The following DMXL1 variants were observed in gnomAD, a reference collection of about 807,000 sequenced individuals.
DMXL1 encodes dmX-like protein 1.
DMXL1 carries 99 observed loss-of-function variants against 319.2 expected under a neutral mutation model. The ratio of observed to expected loss-of-function variants is 0.31; its 90% CI spans 0.26 to 0.37. DMXL1 has a LOEUF of 0.37. DMXL1 is among the 10% of genes least tolerant of loss of function. DMXL1 has a pLI of 1.00. For missense variants in DMXL1, 3,745 were observed against 3,595.6 expected, an observed-to-expected ratio of 1.04 and a Z score of -1.06; for synonymous variants, 1,385 against 1,235.2, an observed-to-expected ratio of 1.12 and a Z score of -2.54.
Position 119,132,342 on chromosome 5 carries a change from G to A in DMXL1, c.1316-790G>A, listed in dbSNP as rs139648474. Among the ~76,000 whole-genome samples, 85 of 152,242 alleles carry A rather than the reference G, an allele frequency of 5.6e-4. No homozygotes were observed. The East Asian group carries it at 0.014, about 25-fold the overall frequency. ...TAGATTGCTGGATTGATTTTGTGTTGTTATAATGAAGATAAGGTGCATATA... is the reference window on the plus strand; with the variant it reads ...TAGATTGCTGGATTGATTTTGTGTTATTATAATGAAGATAAGGTGCATATA... On this transcript the variant is annotated intron_variant, in intron 10 of 43. Transcript: ENST00000539542.
chr5:119,129,098 A>G (rs2150021699), intron 9 of DMXL1, 113 bp from the exon 10 acceptor site: 2 of 682,476 alleles, frequency 2.9e-6, no homozygotes, highest in East Asian at 5.7e-5. Flanking sequence ...AGTGAAAGAG[A>G]AGGACTTTCA....
At chr5:119,116,686 G>A (rs1484085694) in intron 7 of DMXL1, among the ~76,000 whole-genome samples, 1 of 152,012 alleles carries the variant, frequency 6.6e-6, no homozygotes, top group Non-Finnish European at 1.5e-5. Context: ...TAAATACTCT[G>A]TCGTCTTGTA....
chr5:119,182,363 A>G (rs1776932138), intron 28 of DMXL1, among the ~76,000 whole-genome samples: 1 of 152,046 alleles, frequency 6.6e-6, no homozygotes, highest in African/African-American at 2.4e-5. Flanking sequence ...GTGCATATTG[A>G]AATACATTGT....
intron 28 of DMXL1, among the ~76,000 whole-genome samples, chr5:119,185,855 T>G (rs948134388): frequency 3.3e-5 from 5 of 152,142 alleles, no homozygotes; most frequent in Non-Finnish European, 7.3e-5. Context: ...AAGAAGTACC[T>G]TCAATTAATT....
intron 33 of DMXL1, chr5:119,206,512 G>C (rs1781767595): frequency 5.8e-6 from 1 of 172,210 alleles, no homozygotes; most frequent in Non-Finnish European, 1.2e-5. Flanking sequence ...CAGTAGCTCT[G>C]ATTATTTTAA....
rs202033508 is a variant in DMXL1 at position 119,085,333 on chromosome 5, AAAATAAAT to A, written c.88-12620_88-12613del. 3.8e-3 allele frequency among the ~76,000 whole-genome samples: 572 copies of A among 150,892 alleles called. 10 individuals carry two copies. The highest frequency in any genetic ancestry group is 6.9e-3 in the Middle Eastern group (2 of 290). ...GGCAACAGAGTGAGACTTTGTCTCA[AAAATAAAT>A]AAATAAATAAATAAATAAATAAATA... On this transcript the variant is annotated intron_variant, in intron 1 of 43. Transcript: ENST00000539542.
rs151338328 is a variant in DMXL1, at chr5:119,201,071, C to T, written c.7746-2248C>T. 5.5e-3 allele frequency among the ~76,000 whole-genome samples: 837 copies of T among 152,238 alleles called. 8 individuals are homozygous for T. Among genetic ancestry groups the T allele is most frequent in the African/African-American group, 0.019 (793 of 41,540 alleles). ...GGATGCCTTTTATTTCTTCCTCTTT[C>T]CTGCTTGCTCTGGCCAGGACTTTCA... On this transcript the variant is annotated intron_variant, in intron 32 of 43. Coordinates refer to ENST00000539542, the MANE Select transcript of DMXL1 (RefSeq NM_001290321.3).
At chr5:119,203,838 G>A (rs1448577303) in intron 33 of DMXL1, among the ~76,000 whole-genome samples, 2 of 151,374 alleles carry the variant, frequency 1.3e-5, no homozygotes, top group East Asian at 1.9e-4. Flanking sequence ...TTTTTTCTTT[G>A]GAGATGGAGT....
chr5:119,073,353 T>G (rs1171911199), intron 1 of DMXL1, among the ~76,000 whole-genome samples: 3 of 152,214 alleles, frequency 2.0e-5, no homozygotes, highest in African/African-American at 7.2e-5. Context: ...TGAGCCACCA[T>G]GCCCAGCCCT....
At chr5:119,150,568 C>A in intron 18 of DMXL1, 147 bp downstream of exon 18, 1 of 871,854 alleles carries the variant, frequency 1.1e-6, no homozygotes, top group Non-Finnish European at 1.7e-6. Flanking sequence ...GCAGGAGGAT[C>A]ACTTGAACCT....
At chr5:119,093,500 G>A (rs1755258175) in intron 1 of DMXL1, among the ~76,000 whole-genome samples, 1 of 152,156 alleles carries the variant, frequency 6.6e-6, no homozygotes, top group African/African-American at 2.4e-5. Flanking sequence ...TGTAATGGTT[G>A]TGGAATGCCA....
intron 13 of DMXL1, among the ~76,000 whole-genome samples, chr5:119,135,715 G>A (rs527697560): frequency 1.3e-4 from 20 of 152,294 alleles, no homozygotes; most frequent in East Asian, 3.9e-4. Context: ...TGCACGTGCC[G>A]TCTCCTGACA....
chr5:119,118,690 C>T (rs1761377776), intron 7 of DMXL1, 125 bp from the exon 8 acceptor site: 1 of 692,536 alleles, frequency 1.4e-6, no homozygotes, highest in Non-Finnish European at 2.4e-6. Context: ...GAAATCTGTA[C>T]ATATTGATAT....
At position 119,166,289 on chromosome 5, in the gene DMXL1, G is replaced by A. The variant is rs75384588; in HGVS notation, c.4971-327G>A. On this transcript the variant is annotated intron_variant, in intron 21 of 43. Transcript: ENST00000539542. ...CTCTTAGGTCATTCTCAGATGGCAG[G>A]GGTGAAAAGATACTGATGAGTTTCA... 7.8e-3 allele frequency among the ~76,000 whole-genome samples: 1,182 copies of A among 151,980 alleles called. 20 individuals are homozygous for A. The highest frequency in any genetic ancestry group is 0.027 in the African/African-American group (1,121 of 41,318).
Position 119,121,045 on chromosome 5 carries a change from T to C in DMXL1, c.1008T>C (p.His336=), listed in dbSNP as rs1202741687. 6.2e-7 allele frequency: 1 copy of C among 1,613,822 alleles called. No individual in the cohort carries two copies. The highest frequency in any genetic ancestry group is 8.5e-7 in the Non-Finnish European group (1 of 1,179,944). The change falls in exon 9 of 44, where the codon CAT becomes CAC. Residue 336 remains histidine, a synonymous_variant. Coordinates refer to ENST00000539542, the MANE Select transcript of DMXL1 (RefSeq NM_001290321.3). ...ALVAHTGYLP[H]QQDPHHVHRN... ...TAGCACATACGGGATATCTACCACA[T>C]CAGCAGGATCCTCATCATGTTCACA... is the stretch of plus-strand genomic sequence containing the variant.
chr5:119,216,072 TG>T (rs2150549380), intron 34 of DMXL1, among the ~76,000 whole-genome samples: 1 of 107,704 alleles, frequency 9.3e-6, no homozygotes, highest in East Asian at 3.3e-4. Flanking sequence ...CCCTCCAGCC[TG>T]GGCGACAAGA....
chr5:119,213,532 A>C (rs924675624), intron 34 of DMXL1, among the ~76,000 whole-genome samples: 1 of 152,154 alleles, frequency 6.6e-6, no homozygotes, highest in Non-Finnish European at 1.5e-5. Flanking sequence ...TTTAAAAAAT[A>C]CTCCATTTCT....
chr5:119,107,165 C>T (rs1448654488), intron 4 of DMXL1, among the ~76,000 whole-genome samples: 1 of 151,600 alleles, frequency 6.6e-6, no homozygotes, highest in East Asian at 1.9e-4. Context: ...AGGGAGACTC[C>T]ATCTCTACAA....
At chr5:119,165,917 C>T (rs889944478) in intron 21 of DMXL1, among the ~76,000 whole-genome samples, 4 of 152,144 alleles carry the variant, frequency 2.6e-5, no homozygotes, top group Admixed American at 1.3e-4. Flanking sequence ...GGTAACTAAA[C>T]CAGAAACTTA....
Sources: allele counts gnomAD v4.1 joint callset (sites outside exome capture counted in the v4.1 genomes callset), GRCh38; gene constraint gnomAD v4.1.1; transcripts MANE v1.5; gene names NCBI Gene and HGNC (gene_info 2026-07-23, HGNC 2026-07-21).